TPCN1: variants seen among roughly 807,000 people sequenced by gnomAD.
TPCN1 encodes two pore segment channel 1.
A neutral mutation model predicts 108.8 loss-of-function variants in TPCN1; 52 were observed. That is an observed-to-expected ratio of 0.48 (90% CI 0.38 to 0.60). TPCN1 has a LOEUF of 0.60. Among genes scored for constraint, TPCN1 ranks in the 20% least tolerant of loss-of-function variants. TPCN1 has a pLI of 0.00. For synonymous variants in TPCN1, 446 were observed against 433.7 expected, an observed-to-expected ratio of 1.03 and a Z score of -0.35; for missense variants, 806 against 1,072.8, an observed-to-expected ratio of 0.75 and a Z score of 3.47.
chr12:113,274,337 A>G (rs1297563185), intron 10 of TPCN1, among the ~76,000 whole-genome samples: 1 of 151,886 alleles, frequency 6.6e-6, no homozygotes, highest in Admixed American at 6.6e-5. Flanking sequence ...AATCCCATCT[A>G]CTCAGGAGGC....
chr12:113,256,143 A>AT (rs879509917), intron 2 of TPCN1, among the ~76,000 whole-genome samples: 29 of 150,284 alleles, frequency 1.9e-4, no homozygotes, highest in Admixed American at 7.3e-4. Flanking sequence ...CTTAAAAAAA[A>AT]TTTTTTTTTT....
intron 2 of TPCN1, among the ~76,000 whole-genome samples, chr12:113,240,254 G>A (rs771565603): frequency 4.6e-5 from 7 of 152,214 alleles, no homozygotes; most frequent in Non-Finnish European, 1.0e-4. Flanking sequence ...GCCGTCCAGA[G>A]TGTATGGGGA....
chr12:113,224,973 A>C (rs901789578), intron 1 of TPCN1, among the ~76,000 whole-genome samples: 6 of 146,062 alleles, frequency 4.1e-5, no homozygotes, highest in Non-Finnish European at 9.0e-5. Context: ...CTGGTCTTGA[A>C]CTCCTGAGCT....
chr12:113,260,557 C>A (rs942918059), intron 3 of TPCN1, 65 bp downstream of exon 3: 12 of 1,520,288 alleles, frequency 7.9e-6, no homozygotes, highest in Non-Finnish European at 1.1e-5. Flanking sequence ...GCAGCCAAGA[C>A]TCTGTTAGGT....
At chr12:113,264,540 G>A (rs1215031178) in intron 3 of TPCN1, among the ~76,000 whole-genome samples, 3 of 152,018 alleles carry the variant, frequency 2.0e-5, no homozygotes, top group South Asian at 2.1e-4. Context: ...TTAGCCAGGT[G>A]TGGTGGTGCA....
At position 113,275,733 on chromosome 12, in the gene TPCN1, C is replaced by T. The variant is rs886514797; in HGVS notation, c.943-1186C>T. The stretch of plus-strand genomic sequence containing the variant: ...GACTACAGGCACCCGCCACCACGCC[C>T]GGCTAATTTTTTTTGTAGTTTTAGT... On this transcript the variant is annotated intron_variant, in intron 10 of 27. Coordinates refer to ENST00000335509, the MANE Select transcript of TPCN1 (RefSeq NM_017901.6). Among the ~76,000 whole-genome samples, 11 of 151,938 alleles carry T rather than the reference C, an allele frequency of 7.2e-5. No individual in the cohort carries two copies. The East Asian group carries it at 1.2e-3, about 16-fold the overall frequency.
Position 113,268,366 on chromosome 12 carries a change from G to A in TPCN1, c.529-376G>A, listed in dbSNP as rs61943611. On this transcript the variant is annotated intron_variant, in intron 5 of 27. Transcript: ENST00000335509. The surrounding 1 kb of genome is among the most constrained non-coding windows in gnomAD (Gnocchi z 7.3). Reference sequence around the variant, plus strand: ...ACGTCAAGGTGGCATTTTGTAGTGTGTGGAGCATGTGCGCTACTCTAGGAG... The same window carrying A: ...ACGTCAAGGTGGCATTTTGTAGTGTATGGAGCATGTGCGCTACTCTAGGAG... Among the ~76,000 whole-genome samples, 7,525 of 152,276 alleles carry A rather than the reference G, an allele frequency of 0.049. 266 individuals are homozygous for A. Among genetic ancestry groups the A allele is most frequent in the Middle Eastern group, 0.068 (20 of 294 alleles).
In TPCN1 at chr12:113,288,176, A is replaced by G. The variant is rs1956147041; in HGVS notation, c.1648A>G (p.Lys550Glu). The G allele has an allele frequency of 6.2e-7, 1 of 1,613,356 alleles. No homozygotes were observed. Among genetic ancestry groups the G allele is most frequent in the African/African-American group, 1.3e-5 (1 of 74,908 alleles). ...CTCCTCGCTCAGGTTGTTTAAGTTGAAGGAGCGCTACCGCAACGTGCTGGA... is the reference window on the plus strand; with the variant it reads ...CTCCTCGCTCAGGTTGTTTAAGTTGGAGGAGCGCTACCGCAACGTGCTGGA... ...PLQLLRLFKL[K>E]ERYRNVLDTM... Residue 550 changes from lysine (K) to glutamate (E), a missense_variant, in exon 20 of 28, where the codon AAG becomes GAG. By Grantham distance (56) the Lys-to-Glu change is moderately conservative (BLOSUM62 1). Coordinates refer to ENST00000335509, the MANE Select transcript of TPCN1 (RefSeq NM_017901.6). The surrounding 1 kb of genome is among the most constrained non-coding windows in gnomAD (Gnocchi z 4.8).
At chr12:113,263,794 C>T (rs1326118837) in intron 3 of TPCN1, among the ~76,000 whole-genome samples, 2 of 152,214 alleles carry the variant, frequency 1.3e-5, no homozygotes, top group East Asian at 1.9e-4. Context: ...CCCCAGGGAG[C>T]GGAGAGCAAA....
rs1292345429 is a variant in TPCN1, at chr12:113,284,273, C to G, written c.1343-308C>G. On this transcript the variant is annotated intron_variant, in intron 15 of 27. Coordinates refer to ENST00000335509, the MANE Select transcript of TPCN1 (RefSeq NM_017901.6). This position sits in a 1 kb window ranked among gnomAD's most constrained non-coding sequence, Gnocchi z 4.1. ...AACAAGTGTTTTCAATACTTGAATG[C>G]CTGGTATATTGTCCCTCTTTTACCT... 6.6e-6 allele frequency among the ~76,000 whole-genome samples: 1 copy of G among 152,166 alleles called. No homozygotes were observed. The highest frequency in any genetic ancestry group is 1.5e-5 in the Non-Finnish European group (1 of 68,020).
Position 113,273,465 on chromosome 12 carries a change from G to C in TPCN1, c.843-104G>C. On this transcript the variant is annotated intron_variant, in intron 9 of 27. Transcript: ENST00000335509. The surrounding 1 kb of genome is among the most constrained non-coding windows in gnomAD (Gnocchi z 4.0). ...GGATGAGAGTAGGGGAACCAGGGTT[G>C]GAGGCTGGGAAGGCAGACAAGGAGC... 4.7e-6 allele frequency: 6 copies of C among 1,272,882 alleles called. No homozygotes were observed. Among genetic ancestry groups the C allele is most frequent in the Non-Finnish European group, 6.9e-6 (6 of 871,388 alleles). The allele number at this position is 1,272,882 out of a possible 1,614,324, so 78.8% of individuals were successfully genotyped here.
chr12:113,291,976 G>T lies in TPCN1; in HGVS notation c.2113+18G>T. The T allele has an allele frequency of 6.2e-7, 1 of 1,611,178 alleles. No individual in the cohort carries two copies. Among genetic ancestry groups the T allele is most frequent in the East Asian group, 2.2e-5 (1 of 44,862 alleles). ...CTCGGAAGGTCTGTGCAGGGATGAT[G>T]CCTTGGGCATTTGATATCTGCCGCC... On this transcript the variant is annotated intron_variant, in intron 25 of 27. Coordinates refer to ENST00000335509, the MANE Select transcript of TPCN1 (RefSeq NM_017901.6).
intron 14 of TPCN1, 60 bp downstream of exon 14, chr12:113,278,895 A>G (rs1955766052): frequency 6.7e-7 from 1 of 1,489,904 alleles, no homozygotes; most frequent in Non-Finnish European, 9.4e-7. Flanking sequence ...GTTTTCAGAG[A>G]CCACAGATAA....
rs2136749928 is a variant in TPCN1 at position 113,288,853 on chromosome 12, T to G, written c.1796+6T>G. 6.2e-7 allele frequency: 1 copy of G among 1,613,286 alleles called. No individual in the cohort carries two copies. The highest frequency in any genetic ancestry group is 8.5e-7 in the Non-Finnish European group (1 of 1,179,932). Reference sequence around the variant, plus strand: ...GTCTTCCCCAACTGCTGCAAGTGAGTAGGCCCCACCCAGCCCCAGGCAGCC... The same window carrying G: ...GTCTTCCCCAACTGCTGCAAGTGAGGAGGCCCCACCCAGCCCCAGGCAGCC... On this transcript the variant is annotated splice_donor_region_variant and intron_variant, in intron 21 of 27. Transcript: ENST00000335509. This position sits in a 1 kb window ranked among gnomAD's most constrained non-coding sequence, Gnocchi z 4.8.
At position 113,273,679 on chromosome 12, in the gene TPCN1, A is replaced by G; in HGVS notation, c.942+11A>G. ...TTCATCATGAACCTGGTGAGTGACT[A>G]TGCCTCAGGCTACGCTGAAGCAGCC... On this transcript the variant is annotated intron_variant, in intron 10 of 27. Transcript: ENST00000335509. The surrounding 1 kb of genome is among the most constrained non-coding windows in gnomAD (Gnocchi z 4.0). The G allele has an allele frequency of 6.2e-7, 1 of 1,610,544 alleles. No individual in the cohort carries two copies. The highest frequency in any genetic ancestry group is 8.5e-7 in the Non-Finnish European group (1 of 1,176,912).
intron 2 of TPCN1, chr12:113,246,060 A>G (rs571061770): frequency 1.6e-4 from 74 of 455,974 alleles, no homozygotes; most frequent in Admixed American, 2.6e-4. Flanking sequence ...GTGTGTGCAA[A>G]CAGGTCATTC....
In TPCN1 at chr12:113,223,435, C is replaced by CTTTT. The variant is rs1172851714; in HGVS notation, c.-126+1823_-126+1826dup. On this transcript the variant is annotated intron_variant, in intron 1 of 27. Coordinates refer to ENST00000335509, the MANE Select transcript of TPCN1 (RefSeq NM_017901.6). ...AGGTCTGCAGTCAGATCTGCTGAGT[C>CTTTT]TTTTTTTTTTTTTTTTTGGTTCTTC... Among the ~76,000 whole-genome samples the CTTTT allele has an allele frequency of 4.7e-3, 570 of 120,278 alleles. 9 individuals are homozygous for CTTTT. Among genetic ancestry groups the CTTTT allele is most frequent in the African/African-American group, 0.017 (550 of 31,986 alleles). 78.9% of individuals were successfully genotyped at this position (120,278 alleles called of 152,430 possible).
intron 2 of TPCN1, among the ~76,000 whole-genome samples, chr12:113,253,768 A>G (rs1373161779): frequency 6.6e-6 from 1 of 152,238 alleles, no homozygotes; most frequent in East Asian, 1.9e-4. Context: ...TTCAAGAGGA[A>G]GAAACACAGC....
intron 2 of TPCN1, among the ~76,000 whole-genome samples, chr12:113,234,905 T>C (rs1055618857): frequency 6.6e-6 from 1 of 152,210 alleles, no homozygotes; most frequent in African/African-American, 2.4e-5. Flanking sequence ...AACCAATTCA[T>C]ATATGTCTTC....
Sources: gnomAD v4.1 joint callset for allele counts (sites outside exome capture counted in the v4.1 genomes callset) on GRCh38, gnomAD v4.1.1 for gene constraint, Gnocchi (gnomAD v3.1) non-coding constraint, MANE v1.5 for transcripts, NCBI Gene and HGNC (gene_info 2026-07-23, HGNC 2026-07-21) for gene names.